Variants in SSUH2 observed in about 807,000 individuals in gnomAD.
SSUH2 encodes ssu-2 homolog.
Under a neutral mutation model 55.3 loss-of-function variants are expected in SSUH2, and 47 were observed. The ratio of observed to expected loss-of-function variants is 0.85; its 90% CI spans 0.67 to 1.08. SSUH2 has a LOEUF of 1.08. SSUH2 is among the 50% of genes least tolerant of loss of function. The pLI is 0.00. For missense variants in SSUH2, 535 were observed against 490.7 expected, an observed-to-expected ratio of 1.09 and a Z score of -0.85; for synonymous variants, 212 against 191.5, an observed-to-expected ratio of 1.11 and a Z score of -0.89.
chr3:8,678,451 C>A (rs545765200), intron 2 of SSUH2, among the ~76,000 whole-genome samples: 2 of 152,088 alleles, frequency 1.3e-5, no homozygotes, highest in South Asian at 2.1e-4. Flanking sequence ...ATCCTCTCCG[C>A]CTCTATCCCC....
intron 10 of SSUH2, among the ~76,000 whole-genome samples, chr3:8,624,838 A>G (rs575424124): frequency 6.6e-6 from 1 of 152,056 alleles, no homozygotes; most frequent in East Asian, 1.9e-4. Flanking sequence ...CTCACTTCTG[A>G]GCTCCTAGCT....
chr3:8,667,209 G>A (rs1256904153), intron 5 of SSUH2, among the ~76,000 whole-genome samples: 1 of 152,178 alleles, frequency 6.6e-6, no homozygotes, highest in Non-Finnish European at 1.5e-5. Flanking sequence ...GGAGTGGATT[G>A]TTCATGAGTT....
At chr3:8,620,079 C>A (rs1696100838) in intron 11 of SSUH2, 65 bp from the exon 12 acceptor site, 2 of 1,557,872 alleles carry the variant, frequency 1.3e-6, no homozygotes, top group Non-Finnish European at 8.8e-7. Flanking sequence ...TGCTCAGGAA[C>A]TTTCAGTAGC....
chr3:8,675,025 C>T (rs1575393956), intron 3 of SSUH2, among the ~76,000 whole-genome samples: 1 of 152,170 alleles, frequency 6.6e-6, no homozygotes, highest in Non-Finnish European at 1.5e-5. Context: ...TTGTCAGTCG[C>T]CATGGAACAC....
rs1000588457 is a variant in SSUH2 at position 8,665,647 on chromosome 3, G to A, written c.-454-1845C>T. Among the ~76,000 whole-genome samples, 5 of 152,196 alleles carry A rather than the reference G, an allele frequency of 3.3e-5. 1 individual carries two copies. The highest frequency in any genetic ancestry group is 3.4e-3 in the Middle Eastern group (1 of 294). ...CCTTCTGCAACCCAAAGTCCCCCCC[G>A]TTCACCAACGCAAAAGCCAAACACA... On this transcript the variant is annotated intron_variant, in intron 5 of 18. Coordinates refer to the SSUH2 transcript ENST00000317371.
intron 8 of SSUH2, 61 bp from the exon 9 acceptor site, chr3:8,626,382 G>T: frequency 1.6e-6 from 2 of 1,246,276 alleles, no homozygotes; most frequent in Non-Finnish European, 2.4e-6. Context: ...GCTTCCAGAG[G>T]CTCCCACCTG....
At chr3:8,626,537 G>GCCCCCCCCCCCCCCCCCCCC (rs58662232) in intron 8 of SSUH2, among the ~76,000 whole-genome samples, 2 of 107,654 alleles carry the variant, frequency 1.9e-5, no homozygotes, top group Non-Finnish European at 3.8e-5. Flanking sequence ...TCTAGGGCCT[G>GCCCCCCCCCCCCCCCCCCCC]CCCCCCCCCC....
chr3:8,678,266 T>C (rs1474525766), intron 2 of SSUH2, among the ~76,000 whole-genome samples: 1 of 152,110 alleles, frequency 6.6e-6, no homozygotes, highest in Non-Finnish European at 1.5e-5. Context: ...TGGAGTAATA[T>C]CAACCTCTCG....
At chr3:8,624,305 G>A (rs886290725) in intron 10 of SSUH2, among the ~76,000 whole-genome samples, 1 of 152,182 alleles carries the variant, frequency 6.6e-6, no homozygotes, top group Non-Finnish European at 1.5e-5. Flanking sequence ...TGCTGTGGAC[G>A]CTGAGGGTGA....
chr3:8,665,868 C>T (rs1174057637), intron 5 of SSUH2, among the ~76,000 whole-genome samples: 3 of 152,084 alleles, frequency 2.0e-5, no homozygotes, highest in Non-Finnish European at 1.5e-5. Context: ...CATTAGAACA[C>T]AATGAAGATC....
chr3:8,619,987 T>C lies in SSUH2; in HGVS notation c.1009A>G (p.Thr337Ala), dbSNP rs150142012. The C allele has an allele frequency of 5.0e-6, 8 of 1,614,052 alleles. 1 individual carries two copies. In the South Asian group the frequency reaches 8.8e-5, roughly 18 times the overall value. Residue 337 changes from threonine to alanine, a missense_variant, in exon 12 of 12, where the codon ACA becomes GCA. Physicochemically the swap from Thr to Ala is moderately conservative, Grantham distance 58. Transcript: ENST00000544814. ...CCTTGGTACCAATAGTGAACTTCTGTGAGGGGGATCAGCTCAATGGTCTGG... is the reference window on the plus strand; with the variant it reads ...CCTTGGTACCAATAGTGAACTTCTGCGAGGGGGATCAGCTCAATGGTCTGG... ...QRQTIELIPL[T>A]EVHYWYQGKT...
chr3:8,634,607 G>T, intron 3 of SSUH2: 1 of 1,288,518 alleles, frequency 7.8e-7, no homozygotes, highest in Non-Finnish European at 1.0e-6. Context: ...GTGGGCTGGA[G>T]AGGCCAGAGA....
At chr3:8,634,172 A>G in intron 3 of SSUH2, 1 of 616,180 alleles carries the variant, frequency 1.6e-6, no homozygotes, top group Non-Finnish European at 2.7e-6. Flanking sequence ...CAGGCTAAAT[A>G]AGGCTCCTGC....
intron 7 of SSUH2, among the ~76,000 whole-genome samples, chr3:8,649,897 G>C (rs565389342): frequency 2.4e-3 from 367 of 152,162 alleles, no homozygotes; most frequent in Middle Eastern, 0.01. Context: ...TGGACTAAAA[G>C]CCCAGTCCTT....
At chr3:8,643,483 T>C (rs1701204015) in intron 1 of SSUH2, among the ~76,000 whole-genome samples, 1 of 152,222 alleles carries the variant, frequency 6.6e-6, no homozygotes, top group Admixed American at 6.5e-5. Flanking sequence ...TCCAATATAT[T>C]AGAGGTCAGA....
intron 5 of SSUH2, among the ~76,000 whole-genome samples, chr3:8,664,275 T>G (rs1483418329): frequency 1.3e-5 from 2 of 152,230 alleles, no homozygotes; most frequent in African/African-American, 4.8e-5. Context: ...TTCAGGTCAT[T>G]GAATCCTTGT....
intron 1 of SSUH2, among the ~76,000 whole-genome samples, chr3:8,638,327 T>C (rs1700255008): frequency 6.6e-6 from 1 of 152,228 alleles, no homozygotes; most frequent in Non-Finnish European, 1.5e-5. Flanking sequence ...AAACTGGGAA[T>C]GTCCTTGTCC....
intron 6 of SSUH2, among the ~76,000 whole-genome samples, chr3:8,663,440 T>A (rs926898569): frequency 2.6e-5 from 4 of 152,228 alleles, no homozygotes; most frequent in Non-Finnish European, 5.9e-5. Context: ...CTGTCTCTCG[T>A]CCTTTGTTCC....
intron 5 of SSUH2, among the ~76,000 whole-genome samples, chr3:8,664,124 T>C (rs564817685): frequency 3.3e-5 from 5 of 152,200 alleles, no homozygotes; most frequent in Non-Finnish European, 7.3e-5. Context: ...CCAGAAAGTG[T>C]GCACAGACCT....
Sources: gnomAD v4.1 joint callset for allele counts (sites outside exome capture counted in the v4.1 genomes callset) on GRCh38, gnomAD v4.1.1 for gene constraint, MANE v1.5 for transcripts, NCBI Gene and HGNC (gene_info 2026-07-23, HGNC 2026-07-21) for gene names.